Variants in CFAP77 observed in about 807,000 individuals in gnomAD.
CFAP77 encodes cilia and flagella associated protein 77.
A neutral mutation model predicts 31.1 loss-of-function variants in CFAP77; 25 were observed. The observed-to-expected ratio is 0.80, with a 90% confidence interval of 0.59 to 1.12. CFAP77 has a LOEUF of 1.12. CFAP77 is among the 50% of genes most tolerant of loss of function. The pLI is 0.00. For missense variants in CFAP77, 377 were observed against 397.3 expected (o/e 0.95, Z 0.44); for synonymous variants, 151 against 159.9 (o/e 0.94, Z 0.42).
At chr9:132,435,024 A>G (rs148876631) in intron 1 of CFAP77, among the ~76,000 whole-genome samples, 1 of 152,338 alleles carries the variant, frequency 6.6e-6, no homozygotes, top group Non-Finnish European at 1.5e-5. Context: ...TGCTTAGAGA[A>G]AGACCATTGT....
chr9:132,516,688 C>T (rs1293803143), intron 3 of CFAP77, among the ~76,000 whole-genome samples: 2 of 152,012 alleles, frequency 1.3e-5, no homozygotes, highest in Admixed American at 6.6e-5. Context: ...ATTATCCTGG[C>T]TGTGATTTTA....
intron 3 of CFAP77, among the ~76,000 whole-genome samples, chr9:132,520,801 C>A (rs914249694): frequency 6.6e-6 from 1 of 152,176 alleles, no homozygotes; most frequent in Non-Finnish European, 1.5e-5. Context: ...GGCCCAGGAG[C>A]CCCTCCCCAG....
rs1414687702 is a variant in CFAP77 at position 132,539,684 on chromosome 9, G to C, written c.630+1978G>C. Among the ~76,000 whole-genome samples, 3 of 152,164 alleles carry C rather than the reference G, an allele frequency of 2.0e-5. No homozygotes were observed. Among genetic ancestry groups the C allele is most frequent in the Non-Finnish European group, 4.4e-5 (3 of 68,040 alleles). On this transcript the variant is annotated intron_variant, in intron 4 of 5. Transcript: ENST00000393216. This position sits in a 1 kb window ranked among gnomAD's most constrained non-coding sequence, Gnocchi z 4.3. The stretch of plus-strand genomic sequence containing the variant: ...AGTGGGAGGCTGAGGATTTCCAGGC[G>C]TGGCGGGTGCCAGGGCCTCTCCTGG...
Position 132,517,025 on chromosome 9 carries a change from G to A in CFAP77, c.524+17425G>A, listed in dbSNP as rs1438402837. Among the ~76,000 whole-genome samples, 1 of 152,218 alleles carries A rather than the reference G, an allele frequency of 6.6e-6. No individual in the cohort carries two copies. The highest frequency in any genetic ancestry group is 1.5e-5 in the Non-Finnish European group (1 of 68,044). On this transcript the variant is annotated intron_variant, in intron 3 of 5. Coordinates refer to ENST00000393216, the MANE Select transcript of CFAP77 (RefSeq NM_001282957.2). This position sits in a 1 kb window ranked among gnomAD's most constrained non-coding sequence, Gnocchi z 4.7. ...GCCCTGCAGCACGCAGCTCGGGGCT[G>A]TGTGAGAACACGAGGGCGGTCTTCA...
intron 3 of CFAP77, among the ~76,000 whole-genome samples, chr9:132,506,080 C>T (rs1851926741): frequency 6.6e-6 from 1 of 152,234 alleles, no homozygotes; most frequent in Admixed American, 6.5e-5. Flanking sequence ...CGTTACGGTG[C>T]AGAGCCCGGA....
Position 132,424,370 on chromosome 9 carries a change from C to T in CFAP77, c.195+13904C>T, listed in dbSNP as rs542831478. Among the ~76,000 whole-genome samples the T allele has an allele frequency of 1.3e-5, 2 of 152,016 alleles. No homozygotes were observed. Among genetic ancestry groups the T allele is most frequent in the Non-Finnish European group, 2.9e-5 (2 of 68,012 alleles). The stretch of plus-strand genomic sequence containing the variant: ...TGGGCTGAGATCGTGCCACTGCACT[C>T]CAGCCTGGGCGACAGAGCAAGACTC... On this transcript the variant is annotated intron_variant, in intron 1 of 5. Transcript: ENST00000393216. This position sits in a 1 kb window ranked among gnomAD's most constrained non-coding sequence, Gnocchi z 4.1.
intron 5 of CFAP77, among the ~76,000 whole-genome samples, chr9:132,547,723 C>T (rs1852756781): frequency 6.6e-6 from 1 of 152,198 alleles, no homozygotes. Flanking sequence ...GTGTCCACAG[C>T]CTGAAATGGT....
At chr9:132,561,872 G>T (rs1829816804) in intron 5 of CFAP77, among the ~76,000 whole-genome samples, 1 of 152,078 alleles carries the variant, frequency 6.6e-6, no homozygotes, top group Admixed American at 6.5e-5. Flanking sequence ...GAAGGCAAAG[G>T]CAGCCCGCTT....
chr9:132,423,822 CTGAG>C (rs1008561883), intron 1 of CFAP77, among the ~76,000 whole-genome samples: 3 of 152,212 alleles, frequency 2.0e-5, no homozygotes, highest in Admixed American at 2.0e-4. Flanking sequence ...GCAGTGTGGC[CTGAG>C]TAAGTCCACA....
chr9:132,466,739 C>A (rs1363348612), intron 1 of CFAP77, among the ~76,000 whole-genome samples: 1 of 152,192 alleles, frequency 6.6e-6, no homozygotes, highest in Non-Finnish European at 1.5e-5. Flanking sequence ...TCACCACATC[C>A]CAAGGACTTG....
intron 5 of CFAP77, among the ~76,000 whole-genome samples, chr9:132,543,606 G>C (rs1418340289): frequency 6.6e-6 from 1 of 152,204 alleles, no homozygotes; most frequent in Non-Finnish European, 1.5e-5. Context: ...GACATCCTGC[G>C]CTGGGAATTT....
At chr9:132,570,150 A>G (rs1235430104) in intron 5 of CFAP77, among the ~76,000 whole-genome samples, 3 of 152,072 alleles carry the variant, frequency 2.0e-5, no homozygotes, top group Non-Finnish European at 4.4e-5. Flanking sequence ...TCCACAGACT[A>G]TTTTCCTCCT....
chr9:132,448,190 C>T (rs778275518), intron 1 of CFAP77, among the ~76,000 whole-genome samples: 22 of 152,182 alleles, frequency 1.4e-4, no homozygotes, highest in South Asian at 4.2e-4. Context: ...CACACACACA[C>T]GCACACATGC....
At chr9:132,549,444 T>C (rs1852789713) in intron 5 of CFAP77, among the ~76,000 whole-genome samples, 1 of 152,170 alleles carries the variant, frequency 6.6e-6, no homozygotes, top group Non-Finnish European at 1.5e-5. Flanking sequence ...GGAAGAATGA[T>C]TCAGAGGCCC....
intron 5 of CFAP77, among the ~76,000 whole-genome samples, chr9:132,548,174 G>A (rs529333602): frequency 2.6e-5 from 4 of 151,074 alleles, no homozygotes; most frequent in East Asian, 3.9e-4. Flanking sequence ...CACGGGCCCC[G>A]CCTGGAGAGA....
At chr9:132,534,126 G>T (rs1852504696) in intron 3 of CFAP77, among the ~76,000 whole-genome samples, 1 of 152,020 alleles carries the variant, frequency 6.6e-6, no homozygotes, top group Non-Finnish European at 1.5e-5. Flanking sequence ...TCATATAAAG[G>T]GCTGGTCATT....
Position 132,517,369 on chromosome 9 carries a change from A to C in CFAP77, c.524+17769A>C, listed in dbSNP as rs1852166371. Among the ~76,000 whole-genome samples, 1 of 152,216 alleles carries C rather than the reference A, an allele frequency of 6.6e-6. No individual in the cohort carries two copies. Among genetic ancestry groups the C allele is most frequent in the South Asian group, 2.1e-4 (1 of 4,830 alleles). ...CCACTGGAAGAAGCATCAAGAGCCAAATAAGGACCCGTCTTGAGTGGAATC... is the reference window on the plus strand; with the variant it reads ...CCACTGGAAGAAGCATCAAGAGCCACATAAGGACCCGTCTTGAGTGGAATC... On this transcript the variant is annotated intron_variant, in intron 3 of 5. Transcript: ENST00000393216. This position sits in a 1 kb window ranked among gnomAD's most constrained non-coding sequence, Gnocchi z 4.7.
chr9:132,515,772 C>T (rs928345502), intron 3 of CFAP77, among the ~76,000 whole-genome samples: 1 of 152,188 alleles, frequency 6.6e-6, no homozygotes, highest in African/African-American at 2.4e-5. Flanking sequence ...CAACACAGAC[C>T]TCTCCCATTT....
chr9:132,544,490 A>AT (rs57022259), intron 5 of CFAP77, among the ~76,000 whole-genome samples: 6,859 of 111,764 alleles, frequency 0.061, 532 homozygotes, highest in East Asian at 0.36. Flanking sequence ...CTCACTGCCT[A>AT]TTTTTTTTTT....
Sources: allele counts gnomAD v4.1 joint callset (sites outside exome capture counted in the v4.1 genomes callset), GRCh38; gene constraint gnomAD v4.1.1; non-coding constraint Gnocchi (gnomAD v3.1); transcripts MANE v1.5; gene names NCBI Gene and HGNC (gene_info 2026-07-23, HGNC 2026-07-21).